MID1: variants seen among roughly 807,000 people sequenced by gnomAD.
The protein encoded by MID1 is midline 1.
In MID1, 7 loss-of-function variants were observed where a neutral mutation model predicts 40.4. The ratio of observed to expected loss-of-function variants is 0.17; its 90% CI spans 0.10 to 0.33. The LOEUF (loss-of-function observed/expected upper bound fraction) is 0.33, where lower values mean the gene tolerates loss of function less well. Ranked by LOEUF, MID1 falls within the 10% of genes least tolerant of loss-of-function variation. The pLI is 1.00. For synonymous variants in MID1, 229 were observed against 221.2 expected (o/e 1.04, Z -0.31); for missense variants, 367 against 558.5 (o/e 0.66, Z 3.46).
In MID1 at chrX:10,669,152, G is replaced by A. The variant is rs867318084; in HGVS notation, c.-186-48733C>T. On this transcript the variant is annotated intron_variant, in intron 1 of 10. Coordinates refer to the MID1 transcript ENST00000380785. Reference sequence around the variant, plus strand: ...GAGAATGGCGTGAACCCGGGAAGCGGAGCTTGCAGTGAGCCGAGATTGCAC... The same window carrying A: ...GAGAATGGCGTGAACCCGGGAAGCGAAGCTTGCAGTGAGCCGAGATTGCAC... 1.0e-3 allele frequency among the ~76,000 whole-genome samples: 107 copies of A among 103,966 alleles called. 2 individuals carry two copies. The highest frequency in any genetic ancestry group is 1.7e-3 in the Non-Finnish European group (89 of 51,073). 90.3% of individuals were successfully genotyped at this position (103,966 alleles called of 115,157 possible).
Position 10,449,384 on chromosome X carries a change from G to A in MID1, c.1988C>T (p.Thr663Ile), listed in dbSNP as rs138558359. ...GLPIPDHLDCTEQLP is the reference protein window; with the variant it reads ...GLPIPDHLDCIEQLP ...GCCAGACGCTCACGGCAGCTGCTCT[G>A]TGCAGTCCAAATGGTCTGGGATAGG... The change falls in exon 10 of 10, where the codon ACA becomes ATA. Residue 663 changes from threonine to isoleucine, a missense_variant. This residue lies in a region of MID1 where 275 missense variants were observed against 383.1 expected (regional missense o/e 0.72). Transcript: ENST00000317552. 617 of 1,208,585 alleles carry A rather than the reference G, an allele frequency of 5.1e-4. No individual in the cohort carries two copies. Among genetic ancestry groups the A allele is most frequent in the Non-Finnish European group, 6.5e-4 (580 of 894,186 alleles).
chrX:10,660,787 T>C (rs1254023885), intron 1 of MID1, among the ~76,000 whole-genome samples: 2 of 111,924 alleles, frequency 1.8e-5, no homozygotes, highest in African/African-American at 6.5e-5. Flanking sequence ...CAGCATCAAT[T>C]CACACTGATT....
chrX:10,509,408 T>A (rs950244873), intron 3 of MID1, among the ~76,000 whole-genome samples: 2 of 111,976 alleles, frequency 1.8e-5, no homozygotes, highest in Admixed American at 1.9e-4. Flanking sequence ...TCTAACTATT[T>A]TTTTCTTTTG....
At chrX:10,731,098 A>G (rs979829916) in intron 1 of MID1, among the ~76,000 whole-genome samples, 22 of 112,048 alleles carry the variant, frequency 2.0e-4, no homozygotes, top group African/African-American at 6.2e-4. Context: ...GATGAAAAGA[A>G]TATTTGTAAT....
At chrX:10,577,827 GAA>G (rs59954286) in intron 1 of MID1, among the ~76,000 whole-genome samples, 4 of 50,619 alleles carry the variant, frequency 7.9e-5, no homozygotes, top group Non-Finnish European at 1.2e-4. Flanking sequence ...CTTCCTAAAA[GAA>G]AAAAAAAAAA....
chrX:10,774,793 G>A (rs1458965311), intron 1 of MID1, among the ~76,000 whole-genome samples: 4 of 111,373 alleles, frequency 3.6e-5, no homozygotes, highest in African/African-American at 6.5e-5. Flanking sequence ...AAAATATGGA[G>A]GTAGTCAAAG....
chrX:10,704,717 T>TATATATAC (rs1491180589), intron 1 of MID1, among the ~76,000 whole-genome samples: 3 of 33,327 alleles, frequency 9.0e-5, no homozygotes, highest in Non-Finnish European at 1.9e-4. Context: ...TGTGTGTGTG[T>TATATATAC]ATATATATAT....
chrX:10,663,493 T>C (rs2042930074), intron 1 of MID1, among the ~76,000 whole-genome samples: 1 of 112,267 alleles, frequency 8.9e-6, no homozygotes, highest in African/African-American at 3.2e-5. Context: ...TGTACGGAAA[T>C]GCATGGATAT....
intron 1 of MID1, among the ~76,000 whole-genome samples, chrX:10,697,431 G>A (rs1022914777): frequency 2.7e-5 from 3 of 111,753 alleles, no homozygotes; most frequent in African/African-American, 9.8e-5. Flanking sequence ...ATTGAGGGAA[G>A]AGAATTGTCT....
At chrX:10,708,798 T>C (rs989423410) in intron 1 of MID1, among the ~76,000 whole-genome samples, 1 of 112,015 alleles carries the variant, frequency 8.9e-6, no homozygotes, top group Non-Finnish European at 1.9e-5. Flanking sequence ...TTTAAACAAC[T>C]AGAGCATGGA....
chrX:10,681,632 C>T (rs984001927), intron 1 of MID1, among the ~76,000 whole-genome samples: 9 of 111,290 alleles, frequency 8.1e-5, no homozygotes, highest in Non-Finnish European at 1.5e-4. Context: ...GTTACTTCTG[C>T]TGGACTGAGG....
At chrX:10,564,436 C>T (rs1043296945) in intron 2 of MID1, among the ~76,000 whole-genome samples, 1 of 111,887 alleles carries the variant, frequency 8.9e-6, no homozygotes, top group Non-Finnish European at 1.9e-5. Flanking sequence ...CATGCTATGT[C>T]GATAAGTTAT....
At chrX:10,659,476 C>T (rs1206579370) in intron 1 of MID1, among the ~76,000 whole-genome samples, 1 of 112,070 alleles carries the variant, frequency 8.9e-6, no homozygotes. Flanking sequence ...TTCCTTCTCA[C>T]TGAGCCAGAC....
At chrX:10,586,622 G>C (rs924629042) in intron 1 of MID1, among the ~76,000 whole-genome samples, 2 of 112,538 alleles carry the variant, frequency 1.8e-5, no homozygotes, top group African/African-American at 3.2e-5. Context: ...GCATTCATTA[G>C]CTAATGATGT....
intron 1 of MID1, among the ~76,000 whole-genome samples, chrX:10,680,515 GGTTTTTT>G (rs1308730886): frequency 1.8e-5 from 2 of 111,066 alleles, no homozygotes; most frequent in African/African-American, 3.3e-5. Flanking sequence ...AGTTTTGTGG[GGTTTTTT>G]GTTTTTTGTT....
At chrX:10,500,358 T>C (rs774954998) in intron 3 of MID1, among the ~76,000 whole-genome samples, 4 of 112,116 alleles carry the variant, frequency 3.6e-5, no homozygotes, top group Non-Finnish European at 7.5e-5. Flanking sequence ...ACAGGATCTA[T>C]TCATTTTAGG....
rs895046577 is a variant in MID1, at chrX:10,558,077, A to C, written c.660+8811T>G. Among the ~76,000 whole-genome samples the C allele has an allele frequency of 2.3e-4, 25 of 110,332 alleles. No individual in the cohort carries two copies. In the South Asian group the frequency reaches 2.4e-3, roughly 10 times the overall value. ...AACCTCTCTCTCTTAAAAAAAAAAA[A>C]AAAACACTTCACTATTACTCTATAG... On this transcript the variant is annotated intron_variant, in intron 2 of 9. Coordinates refer to ENST00000317552, the MANE Select transcript of MID1 (RefSeq NM_000381.4).
intron 3 of MID1, chrX:10,505,302 A>G (rs987101358): frequency 9.5e-6 from 7 of 734,034 alleles, no homozygotes; most frequent in Non-Finnish European, 1.1e-5. Context: ...ACTGACTTCA[A>G]TCTTATATTC....
chrX:10,745,101 TA>T (rs1179797429), intron 1 of MID1, among the ~76,000 whole-genome samples: 3 of 112,231 alleles, frequency 2.7e-5, no homozygotes, highest in Non-Finnish European at 5.6e-5. Flanking sequence ...ATGAAACTCT[TA>T]AGGTCATTTG....
Sources: allele counts gnomAD v4.1 joint callset (sites outside exome capture counted in the v4.1 genomes callset), GRCh38; gene constraint gnomAD v4.1.1; regional missense constraint gnomAD v4.1.1; transcripts MANE v1.5; gene names NCBI Gene and HGNC (gene_info 2026-07-23, HGNC 2026-07-21).